Variants in SKP2 observed in about 807,000 individuals in gnomAD.
SKP2 encodes S-phase kinase associated protein 2, also known as S-phase kinase-associated protein 2.
Under a neutral mutation model 51.8 loss-of-function variants are expected in SKP2, and 16 were observed. The ratio of observed to expected loss-of-function variants is 0.31; its 90% CI spans 0.21 to 0.47. The LOEUF (loss-of-function observed/expected upper bound fraction) is 0.47. Ranked by LOEUF, SKP2 falls within the 20% of genes least tolerant of loss-of-function variation. The pLI, the probability that SKP2 is intolerant of heterozygous loss-of-function variation, is 1.00. For synonymous variants in SKP2, 176 were observed against 198.6 expected, an observed-to-expected ratio of 0.89 and a Z score of 0.96; for missense variants, 377 against 505.3, an observed-to-expected ratio of 0.75 and a Z score of 2.43.
Position 36,169,111 on chromosome 5 carries a change from C to T in SKP2, c.671+664C>T, listed in dbSNP as rs377067325. On this transcript the variant is annotated intron_variant, in intron 5 of 9. Coordinates refer to ENST00000274255, the MANE Select transcript of SKP2 (RefSeq NM_005983.4). Reference sequence around the variant, plus strand: ...GGGACCAGATTGTAATGGGCCCCTACGCCTTGCTGTAAGAAGAATGGACTG... The same window carrying T: ...GGGACCAGATTGTAATGGGCCCCTATGCCTTGCTGTAAGAAGAATGGACTG... Among the ~76,000 whole-genome samples, 224 of 152,254 alleles carry T rather than the reference C, an allele frequency of 1.5e-3. 1 individual carries two copies. Among genetic ancestry groups the T allele is most frequent in the African/African-American group, 5.0e-3 (209 of 41,544 alleles).
At chr5:36,162,635 C>T (rs1193568714) in intron 2 of SKP2, among the ~76,000 whole-genome samples, 1 of 152,164 alleles carries the variant, frequency 6.6e-6, no homozygotes, top group Non-Finnish European at 1.5e-5. Flanking sequence ...ATACCTGGCA[C>T]CATAGTAGGA....
At position 36,180,264 on chromosome 5, in the gene SKP2, A is replaced by G. The variant is rs569540507; in HGVS notation, c.1062-1554A>G. ...TTCCCAAGTTTCACATGAGGGATTC[A>G]AAGTTGGAGCTGGATTGCTGTCATC... On this transcript the variant is annotated intron_variant, in intron 9 of 9. Transcript: ENST00000274255. 16 of 1,348,278 alleles carry G rather than the reference A, an allele frequency of 1.2e-5. No individual in the cohort carries two copies. In the Admixed American group the frequency reaches 1.7e-4, roughly 14 times the overall value. The allele number at this position is 1,348,278 out of a possible 1,614,324, so 83.5% of individuals were successfully genotyped here. A position where few individuals can be genotyped will look rare whatever the true frequency, so the allele number is the denominator to read the frequency against.
chr5:36,191,723 G>A (rs757975739), intron 6 of SKP2, among the ~76,000 whole-genome samples: 40 of 152,104 alleles, frequency 2.6e-4, no homozygotes, highest in Non-Finnish European at 1.6e-4. Context: ...TAGAGACTGG[G>A]CAAACTAGAA....
chr5:36,154,023 A>G (rs901032804), intron 2 of SKP2, among the ~76,000 whole-genome samples: 2 of 152,232 alleles, frequency 1.3e-5, no homozygotes, highest in Admixed American at 6.5e-5. Context: ...AGTGGGCACA[A>G]CAAACATTTC....
Position 36,182,059 on chromosome 5 carries a change from C to G in SKP2, c.*28C>G. On this transcript the variant is annotated 3_prime_UTR_variant, in exon 10 of 10. Transcript: ENST00000274255. ...TATTTATTGCAGGATGGTGTCTCTT[C>G]TTTAGAACAGGGAAAATAGGCAGGA... The G allele has an allele frequency of 1.9e-6, 3 of 1,609,016 alleles. No individual in the cohort carries two copies. Among genetic ancestry groups the G allele is most frequent in the Non-Finnish European group, 2.5e-6 (3 of 1,176,690 alleles).
At chr5:36,190,926 A>C (rs1438844248) in intron 6 of SKP2, among the ~76,000 whole-genome samples, 1 of 152,184 alleles carries the variant, frequency 6.6e-6, no homozygotes, top group Non-Finnish European at 1.5e-5. Flanking sequence ...ACAATTCCTC[A>C]GTTGTCTCGT....
At chr5:36,170,750 C>T (rs1745445051) in intron 6 of SKP2, among the ~76,000 whole-genome samples, 1 of 152,200 alleles carries the variant, frequency 6.6e-6, no homozygotes, top group South Asian at 2.1e-4. Flanking sequence ...ACTGTACATT[C>T]AGGTTTTTTC....
In SKP2 at chr5:36,183,429, G is replaced by T; in HGVS notation, c.*1398G>T. ...CTACAGGCGCCCACCACCACGCCCG[G>T]CTAATTTTTTTGTATTTTTAGTAGA... On this transcript the variant is annotated 3_prime_UTR_variant, in exon 10 of 10. Transcript: ENST00000274255. 3.7e-6 allele frequency: 1 copy of T among 271,926 alleles called. No individual in the cohort carries two copies. Among genetic ancestry groups the T allele is most frequent in the Non-Finnish European group, 5.6e-6 (1 of 178,040 alleles). 16.8% of individuals were successfully genotyped at this position (271,926 alleles called of 1,614,324 possible). A position where few individuals can be genotyped will look rare whatever the true frequency, so the allele number is the denominator to read the frequency against.
intron 7 of SKP2, chr5:36,193,094 G>A (rs1044289318): frequency 6.6e-6 from 1 of 152,092 alleles, no homozygotes; most frequent in Non-Finnish European, 1.5e-5. Flanking sequence ...TACACAGCAA[G>A]TTACCTATTA....
intron 4 of SKP2, among the ~76,000 whole-genome samples, chr5:36,167,682 G>A (rs1317781317): frequency 2.6e-5 from 4 of 151,960 alleles, no homozygotes; most frequent in African/African-American, 4.8e-5. Flanking sequence ...GTGCAGTGGC[G>A]TGATCTCGGC....
chr5:36,154,427 A>G (rs1220756352), intron 2 of SKP2, among the ~76,000 whole-genome samples: 3 of 152,116 alleles, frequency 2.0e-5, no homozygotes, highest in African/African-American at 7.2e-5. Flanking sequence ...GGCTGGAGGT[A>G]ATGTTGAGCA....
intron 2 of SKP2, among the ~76,000 whole-genome samples, chr5:36,159,334 G>C (rs1745051891): frequency 1.3e-5 from 2 of 152,070 alleles, no homozygotes; most frequent in Non-Finnish European, 1.5e-5. Context: ...TCTTTTAATT[G>C]GTCCTGATTT....
intron 2 of SKP2, among the ~76,000 whole-genome samples, chr5:36,156,945 G>A (rs1368207253): frequency 6.6e-6 from 1 of 151,858 alleles, no homozygotes; most frequent in Non-Finnish European, 1.5e-5. Context: ...TAACCAGTAA[G>A]AAACATATTT....
At position 36,182,342 on chromosome 5, in the gene SKP2, C is replaced by T. The variant is rs1745837835; in HGVS notation, c.*311C>T. 1 of 1,108,064 alleles carries T rather than the reference C, an allele frequency of 9.0e-7. No homozygotes were observed. Among genetic ancestry groups the T allele is most frequent in the African/African-American group, 1.6e-5 (1 of 61,736 alleles). The allele number at this position is 1,108,064 out of a possible 1,614,324, so 68.6% of individuals were successfully genotyped here. ...CCACCTCTTCCAAGTGCCCTTCTTA[C>T]TAAGTCTATTCAGAATCAAGCTTAA... On this transcript the variant is annotated 3_prime_UTR_variant, in exon 10 of 10. Transcript: ENST00000274255.
intron 9 of SKP2, among the ~76,000 whole-genome samples, chr5:36,180,830 C>T (rs1039063350): frequency 3.3e-5 from 5 of 152,172 alleles, no homozygotes; most frequent in Non-Finnish European, 7.4e-5. Context: ...ATGTTTCTGA[C>T]TTTAGGTAAT....
At chr5:36,193,519 G>A (rs1008465544) in intron 7 of SKP2, 2 of 150,672 alleles carry the variant, frequency 1.3e-5, no homozygotes, top group African/African-American at 2.4e-5. Flanking sequence ...GCCTGTTAGG[G>A]GAGGTTCTAT....
intron 2 of SKP2, among the ~76,000 whole-genome samples, chr5:36,159,630 G>A (rs1561532539): frequency 6.6e-6 from 1 of 152,200 alleles, no homozygotes; most frequent in African/African-American, 2.4e-5. Flanking sequence ...CCTTGGTTGA[G>A]ACAGCTCTGG....
downstream of SKP2, among the ~76,000 whole-genome samples, chr5:36,187,035 G>T (rs1294539266): frequency 6.6e-6 from 1 of 152,156 alleles, no homozygotes; most frequent in Non-Finnish European, 1.5e-5. Context: ...TTGCGTAGAG[G>T]TGTTTATAGT....
intron 3 of SKP2, among the ~76,000 whole-genome samples, chr5:36,165,791 T>C (rs1745265407): frequency 6.6e-6 from 1 of 152,244 alleles, no homozygotes; most frequent in Non-Finnish European, 1.5e-5. Flanking sequence ...TTTCACATTT[T>C]CTTTTTTTAA....
Sources: allele counts gnomAD v4.1 joint callset (sites outside exome capture counted in the v4.1 genomes callset), GRCh38; gene constraint gnomAD v4.1.1; transcripts MANE v1.5; gene names NCBI Gene and HGNC (gene_info 2026-07-23, HGNC 2026-07-21).